Variants in CABIN1 observed in about 807,000 individuals in gnomAD.
CABIN1 encodes the protein calcineurin-binding protein cabin-1.
In CABIN1, 133 loss-of-function variants were observed where a neutral mutation model predicts 227.7. The observed-to-expected ratio is 0.58, with a 90% CI of 0.51 to 0.67. The LOEUF is 0.67. Among genes scored for constraint, CABIN1 ranks in the 30% least tolerant of loss-of-function variants. CABIN1 has a pLI of 0.00. For missense variants in CABIN1, 2,408 were observed against 2,852.5 expected, an observed-to-expected ratio of 0.84 and a Z score of 3.55; for synonymous variants, 1,086 against 1,155.1, an observed-to-expected ratio of 0.94 and a Z score of 1.21.
chr22:24,075,757 T>A lies in CABIN1; in HGVS notation c.2633-412T>A, dbSNP rs569495950. On this transcript the variant is annotated intron_variant, in intron 18 of 36. Coordinates refer to ENST00000263119, the MANE Select transcript of CABIN1 (RefSeq NM_012295.4). Reference sequence around the variant, plus strand: ...AGACCCTATCTCTTAAAAAAAAAAATTTTTTTTTTTAAGTTAAGAAATGGC... The same window carrying A: ...AGACCCTATCTCTTAAAAAAAAAAAATTTTTTTTTTAAGTTAAGAAATGGC... 4.5e-4 allele frequency among the ~76,000 whole-genome samples: 66 copies of A among 148,180 alleles called. No individual in the cohort carries two copies. The East Asian group carries it at 5.3e-3, about 12-fold the overall frequency.
At chr22:24,104,898 C>T (rs1001847664) in intron 26 of CABIN1, among the ~76,000 whole-genome samples, 1 of 152,196 alleles carries the variant, frequency 6.6e-6, no homozygotes, top group South Asian at 2.1e-4. Context: ...GTTGCAGTAG[C>T]ACAAGCATAC....
At position 24,178,261 on chromosome 22, in the gene CABIN1, A is replaced by G. The variant is rs2047229779; in HGVS notation, c.*65A>G. Reference sequence around the variant, plus strand: ...GCCAGGCCTGGAATGCCCCCTGGGCAGGACCCTGGGCAGGACCAGAGGCCC... The same window carrying G: ...GCCAGGCCTGGAATGCCCCCTGGGCGGGACCCTGGGCAGGACCAGAGGCCC... On this transcript the variant is annotated 3_prime_UTR_variant, in exon 37 of 37. Transcript: ENST00000263119. The G allele has an allele frequency of 1.3e-6, 2 of 1,598,146 alleles. No homozygotes were observed. Among genetic ancestry groups the G allele is most frequent in the East Asian group, 2.2e-5 (1 of 44,520 alleles).
chr22:24,158,450 C>T (rs1261020894), intron 29 of CABIN1, among the ~76,000 whole-genome samples: 2 of 152,224 alleles, frequency 1.3e-5, no homozygotes, highest in Non-Finnish European at 2.9e-5. Flanking sequence ...GCCCACTTCA[C>T]TGTGCAGTGA....
chr22:24,155,375 T>G (rs745606259), intron 29 of CABIN1, among the ~76,000 whole-genome samples: 4 of 152,086 alleles, frequency 2.6e-5, no homozygotes, highest in Non-Finnish European at 4.4e-5. Context: ...GTACTGTTGC[T>G]GTTCTTGGAA....
At chr22:24,166,122 T>C (rs1179787433) in intron 31 of CABIN1, among the ~76,000 whole-genome samples, 2 of 152,314 alleles carry the variant, frequency 1.3e-5, no homozygotes, top group Middle Eastern at 3.4e-3. Context: ...CTGGTAGGGC[T>C]GGCTGTGGCT....
chr22:24,015,308 T>C (rs536066304), intron 1 of CABIN1, among the ~76,000 whole-genome samples: 56 of 145,890 alleles, frequency 3.8e-4, no homozygotes, highest in Non-Finnish European at 6.5e-4. Context: ...TAGTGTGTCT[T>C]GAAAATCACC....
intron 1 of CABIN1, among the ~76,000 whole-genome samples, chr22:24,021,869 G>C (rs1415705146): frequency 6.6e-6 from 1 of 152,026 alleles, no homozygotes; most frequent in Non-Finnish European, 1.5e-5. Context: ...ATTTTTAGTA[G>C]AGATGGGGTT....
At chr22:24,157,387 A>G (rs1256023341) in intron 29 of CABIN1, among the ~76,000 whole-genome samples, 1 of 152,130 alleles carries the variant, frequency 6.6e-6, no homozygotes, top group Admixed American at 6.5e-5. Context: ...AATCTGGGCC[A>G]GGGCTCGGAG....
In CABIN1 at chr22:24,083,382, C is replaced by T; in HGVS notation, c.2903C>T (p.Ala968Val). Residue 968 changes from alanine to valine, a missense_variant, in exon 20 of 37, where the codon GCC (alanine) becomes GTC (valine). Physicochemically the swap from Ala to Val is moderately conservative, Grantham distance 64. Transcript: ENST00000263119. ...SKARYLEEHS[A>V]QQVDLIWEDA... ...GCCAGGTACCTGGAGGAACACTCGG[C>T]CCAGCAGGTGAGGGTGCTGCAATAG... 6 of 1,613,864 alleles carry T rather than the reference C, an allele frequency of 3.7e-6. No homozygotes were observed. Among genetic ancestry groups the T allele is most frequent in the Non-Finnish European group, 5.1e-6 (6 of 1,180,002 alleles).
At chr22:24,139,619 T>C (rs2044630152) in intron 29 of CABIN1, among the ~76,000 whole-genome samples, 1 of 152,130 alleles carries the variant, frequency 6.6e-6, no homozygotes, top group Non-Finnish European at 1.5e-5. Context: ...GCTTTTTCCA[T>C]GACACCAAGT....
intron 29 of CABIN1, among the ~76,000 whole-genome samples, chr22:24,153,673 GGGGCTTTGGAGA>G (rs1343474052): frequency 6.6e-6 from 1 of 152,152 alleles, no homozygotes; most frequent in Non-Finnish European, 1.5e-5. Flanking sequence ...TCCATCTGAT[GGGGCTTTGGAGA>G]GGGCTGGCAC....
At chr22:24,035,951 C>G in intron 2 of CABIN1, 138 bp from the exon 3 acceptor site, 1 of 587,110 alleles carries the variant, frequency 1.7e-6, no homozygotes, top group Admixed American at 2.2e-5. Context: ...TGTTCATTCC[C>G]CACATCTGAG....
chr22:24,106,353 G>A (rs913094688), intron 26 of CABIN1, among the ~76,000 whole-genome samples: 1 of 152,206 alleles, frequency 6.6e-6, no homozygotes, highest in African/African-American at 2.4e-5. Flanking sequence ...AGTAGTCAGC[G>A]GCATCCTTCC....
At position 24,177,497 on chromosome 22, in the gene CABIN1, C is replaced by G; in HGVS notation, c.6206-7C>G. The G allele has an allele frequency of 6.6e-7, 1 of 1,523,226 alleles. No individual in the cohort carries two copies. Among genetic ancestry groups the G allele is most frequent in the South Asian group, 1.3e-5 (1 of 77,738 alleles). The allele number at this position is 1,523,226 out of a possible 1,614,324, so 94.4% of individuals were successfully genotyped here. Reference sequence around the variant, plus strand: ...CAGGAAGTGCTCTTGGTACCTTTGTCTTCCAGAGGGGAAACTGAGGCCTGA... The same window carrying G: ...CAGGAAGTGCTCTTGGTACCTTTGTGTTCCAGAGGGGAAACTGAGGCCTGA... On this transcript the variant is annotated splice_region_variant and splice_polypyrimidine_tract_variant and intron_variant, in intron 35 of 36. Coordinates refer to ENST00000263119, the MANE Select transcript of CABIN1 (RefSeq NM_012295.4). This position sits in a 1 kb window ranked among gnomAD's most constrained non-coding sequence, Gnocchi z 4.4.
intron 9 of CABIN1, among the ~76,000 whole-genome samples, chr22:24,055,808 T>C (rs2038749096): frequency 6.6e-6 from 1 of 152,224 alleles, no homozygotes. Context: ...TTTGCTCTTA[T>C]CATATTGCTG....
chr22:24,059,608 A>G (rs1258446845), intron 11 of CABIN1, among the ~76,000 whole-genome samples: 1 of 152,312 alleles, frequency 6.6e-6, no homozygotes, highest in East Asian at 1.9e-4. Context: ...AATTGAATCT[A>G]TATAAGCACA....
At chr22:24,083,141 G>T in intron 19 of CABIN1, 87 bp from the exon 20 acceptor site, 1 of 1,349,578 alleles carries the variant, frequency 7.4e-7, no homozygotes. Context: ...AGAGTTGATA[G>T]AGTGGTGGTT....
chr22:24,062,109 A>G lies in CABIN1; in HGVS notation c.1696+84A>G, dbSNP rs2039235778. 7 of 1,165,530 alleles carry G rather than the reference A, an allele frequency of 6.0e-6. No homozygotes were observed. The South Asian group carries it at 6.2e-5, about 10-fold the overall frequency. The allele number at this position is 1,165,530 out of a possible 1,614,324, so 72.2% of individuals were successfully genotyped here. ...GAAAGCTGAGGCGGGAGACTGAGTC[A>G]TGGAATTTAGCCTTATATCTACAGT... On this transcript the variant is annotated intron_variant, in intron 13 of 36. Coordinates refer to ENST00000263119, the MANE Select transcript of CABIN1 (RefSeq NM_012295.4).
intron 26 of CABIN1, among the ~76,000 whole-genome samples, chr22:24,106,572 T>G (rs2042531421): frequency 6.6e-6 from 1 of 152,230 alleles, no homozygotes; most frequent in African/African-American, 2.4e-5. Flanking sequence ...ACCCAGCCCC[T>G]GGGCTGTCCC....
Sources: gnomAD v4.1 joint callset for allele counts (sites outside exome capture counted in the v4.1 genomes callset) on GRCh38, gnomAD v4.1.1 for gene constraint, Gnocchi (gnomAD v3.1) non-coding constraint, MANE v1.5 for transcripts, NCBI Gene and HGNC (gene_info 2026-07-23, HGNC 2026-07-21) for gene names.